Variants in LCOR observed in about 807,000 individuals in gnomAD.
LCOR encodes the protein ligand-dependent corepressor.
Under a neutral mutation model 64.4 loss-of-function variants are expected in LCOR, and 14 were observed. The ratio of observed to expected loss-of-function variants is 0.22; its 90% CI spans 0.14 to 0.34. The LOEUF is 0.34. Among genes scored for constraint, LCOR ranks in the 10% least tolerant of loss-of-function variants. LCOR has a pLI of 1.00. For missense variants in LCOR, 1,686 were observed against 1,765.3 expected (o/e 0.96, Z 0.80); for synonymous variants, 643 against 642.5 (o/e 1.00, Z -0.01).
In LCOR at chr10:96,993,431, G is replaced by T. The variant is rs1310191305; in HGVS notation, c.*8297G>T. On this transcript the variant is annotated 3_prime_UTR_variant, in exon 8 of 8. Coordinates refer to ENST00000421806, the MANE Select transcript of LCOR (RefSeq NM_001346516.2). ...AGGGAATTTAGCACTGAACTAGACAGTCAAAACTTTTTTAACTTTGCAGGA... is the reference window on the plus strand; with the variant it reads ...AGGGAATTTAGCACTGAACTAGACATTCAAAACTTTTTTAACTTTGCAGGA... 1.3e-5 allele frequency: 2 copies of T among 152,150 alleles called. No individual in the cohort carries two copies. The highest frequency in any genetic ancestry group is 2.4e-5 in the African/African-American group (1 of 41,436). 9.4% of individuals were successfully genotyped at this position (152,150 alleles called of 1,614,324 possible).
At chr10:96,868,571 G>T (rs1399060638) in intron 2 of LCOR, among the ~76,000 whole-genome samples, 1 of 152,158 alleles carries the variant, frequency 6.6e-6, no homozygotes, top group Admixed American at 6.6e-5. Context: ...ACTCTTCCTG[G>T]TCGGAGTGGT....
At chr10:96,916,587 CTA>C (rs71976703) in intron 4 of LCOR, among the ~76,000 whole-genome samples, 234 of 137,998 alleles carry the variant, frequency 1.7e-3, no homozygotes, top group Admixed American at 1.7e-3. Flanking sequence ...TATTTAAAGG[CTA>C]TATATATATA....
chr10:96,969,497 A>G (rs1847978512), intron 7 of LCOR, among the ~76,000 whole-genome samples: 1 of 152,250 alleles, frequency 6.6e-6, no homozygotes, highest in African/African-American at 2.4e-5. Flanking sequence ...TCCATTGTAT[A>G]CAAAATTTTT....
intron 4 of LCOR, among the ~76,000 whole-genome samples, chr10:96,925,972 T>C (rs1248843571): frequency 6.6e-6 from 1 of 152,252 alleles, no homozygotes; most frequent in African/African-American, 2.4e-5. Flanking sequence ...ATGTTTCATA[T>C]TTGGTCAGTG....
intron 7 of LCOR, among the ~76,000 whole-genome samples, chr10:96,979,218 T>C (rs1023764790): frequency 6.6e-6 from 1 of 152,246 alleles, no homozygotes; most frequent in Non-Finnish European, 1.5e-5. Flanking sequence ...AAACATCTGT[T>C]CACACATTTA....
intron 4 of LCOR, among the ~76,000 whole-genome samples, chr10:96,916,811 C>T (rs912309018): frequency 6.6e-6 from 1 of 152,054 alleles, no homozygotes; most frequent in Admixed American, 6.5e-5. Context: ...GATGGGGTTT[C>T]ACCATGTTGG....
chr10:96,833,183 G>A (rs887523528), intron 1 of LCOR: 28 of 985,256 alleles, frequency 2.8e-5, no homozygotes, highest in Non-Finnish European at 3.3e-5. Context: ...GTCCGACCGA[G>A]GAGCCCCGGC....
chr10:96,920,898 T>C (rs1450649091), intron 4 of LCOR, among the ~76,000 whole-genome samples: 2 of 151,740 alleles, frequency 1.3e-5, no homozygotes, highest in Non-Finnish European at 2.9e-5. Flanking sequence ...CCCGGGCACA[T>C]GTAATCCTCC....
intron 2 of LCOR, among the ~76,000 whole-genome samples, chr10:96,879,733 C>A (rs971279340): frequency 1.3e-5 from 2 of 152,148 alleles, no homozygotes; most frequent in Non-Finnish European, 2.9e-5. Context: ...GCGACGTTGG[C>A]GCACTGCAAC....
At chr10:96,975,207 A>G (rs1564644170) in intron 7 of LCOR, among the ~76,000 whole-genome samples, 1 of 152,238 alleles carries the variant, frequency 6.6e-6, no homozygotes, top group Non-Finnish European at 1.5e-5. Context: ...ATGTGCTATT[A>G]AGAAAAATTC....
chr10:96,910,787 G>C (rs569929617), intron 4 of LCOR, among the ~76,000 whole-genome samples: 3 of 152,322 alleles, frequency 2.0e-5, no homozygotes, highest in African/African-American at 7.2e-5. Flanking sequence ...AAAGCACTTA[G>C]AAATATTGAC....
intron 4 of LCOR, among the ~76,000 whole-genome samples, chr10:96,925,101 G>A (rs1847145257): frequency 6.6e-6 from 1 of 151,270 alleles, no homozygotes; most frequent in Non-Finnish European, 1.5e-5. Context: ...TTTTTGAGAT[G>A]GAGCTTCACT....
chr10:96,927,093 G>A (rs372814571), intron 4 of LCOR, among the ~76,000 whole-genome samples: 8 of 152,164 alleles, frequency 5.3e-5, no homozygotes, highest in African/African-American at 1.7e-4. Context: ...ATTATGATAC[G>A]GTTTACCAAA....
At chr10:96,905,837 A>G (rs1040945077) in intron 2 of LCOR, among the ~76,000 whole-genome samples, 1 of 152,190 alleles carries the variant, frequency 6.6e-6, no homozygotes, top group Admixed American at 6.5e-5. Flanking sequence ...GATATATCAT[A>G]TAGTATAGAA....
At chr10:96,863,247 A>G (rs1845918981) in intron 2 of LCOR, among the ~76,000 whole-genome samples, 1 of 140,318 alleles carries the variant, frequency 7.1e-6, no homozygotes, top group African/African-American at 2.7e-5. Flanking sequence ...TCTGTTGCTC[A>G]GGCTGGAGTG....
chr10:96,956,907 G>T (rs1847793220), intron 7 of LCOR: 1 of 985,038 alleles, frequency 1.0e-6, no homozygotes, highest in Non-Finnish European at 1.2e-6. Context: ...TATTGGGGAT[G>T]GGAGAAATAG....
At chr10:96,883,766 T>C (rs1846300061) in intron 2 of LCOR, among the ~76,000 whole-genome samples, 1 of 152,228 alleles carries the variant, frequency 6.6e-6, no homozygotes, top group African/African-American at 2.4e-5. Flanking sequence ...TTTGCAGATA[T>C]TTATTTCCCA....
At chr10:96,887,378 A>G (rs1846361139) in intron 2 of LCOR, among the ~76,000 whole-genome samples, 1 of 152,020 alleles carries the variant, frequency 6.6e-6, no homozygotes, top group Non-Finnish European at 1.5e-5. Flanking sequence ...CCATCCTAAC[A>G]TGGTGAAACC....
chr10:96,856,006 C>T (rs1392108057), intron 2 of LCOR, among the ~76,000 whole-genome samples: 1 of 151,762 alleles, frequency 6.6e-6, no homozygotes, highest in African/African-American at 2.4e-5. Context: ...AGCCTCCCAA[C>T]GTGCTGGGAT....
Sources: gnomAD v4.1 joint callset for allele counts (sites outside exome capture counted in the v4.1 genomes callset) on GRCh38, gnomAD v4.1.1 for gene constraint, MANE v1.5 for transcripts, NCBI Gene and HGNC (gene_info 2026-07-23, HGNC 2026-07-21) for gene names.